VPS18: variants seen among roughly 807,000 people sequenced by gnomAD.
VPS18 encodes the protein vacuolar protein sorting-associated protein 18 homolog.
Under a neutral mutation model 82.0 loss-of-function variants are expected in VPS18, and 25 were observed. The observed-to-expected ratio is 0.30, with a 90% CI of 0.22 to 0.43. The LOEUF (loss-of-function observed/expected upper bound fraction) is 0.43, where lower values mean the gene tolerates loss of function less well. Among genes scored for constraint, VPS18 ranks in the 20% least tolerant of loss-of-function variants. The pLI is 1.00. For missense variants in VPS18, 1,168 were observed against 1,311.1 expected (o/e 0.89, Z 1.69); for synonymous variants, 523 against 543.0 (o/e 0.96, Z 0.51).
Position 40,901,022 on chromosome 15 carries a change from AG to A in VPS18, c.2196+9del, listed in dbSNP as rs775102032. 6.3e-7 allele frequency: 1 copy of A among 1,593,518 alleles called. No individual in the cohort carries two copies. The highest frequency in any genetic ancestry group is 1.1e-5 in the South Asian group (1 of 90,702). On this transcript the variant is annotated intron_variant, in intron 4 of 4. Coordinates refer to ENST00000220509, the MANE Select transcript of VPS18 (RefSeq NM_020857.3). The stretch of plus-strand genomic sequence containing the variant: ...GTGGACCTGGCCCTGCAGGTAAGCC[AG>A]TACGTCTTGACCCCAGCTGGGAGAG...
In VPS18 at chr15:40,902,405, G is replaced by A. The variant is rs1165073342; in HGVS notation, c.2197-211G>A. Among the ~76,000 whole-genome samples, 2 of 152,206 alleles carry A rather than the reference G, an allele frequency of 1.3e-5. No homozygotes were observed. Among genetic ancestry groups the A allele is most frequent in the African/African-American group, 4.8e-5 (2 of 41,470 alleles). ...TGGGATTATAGGCCTGAGCCACTGC[G>A]CCCAGCCTCCCCGGTGATTTCTAAC... On this transcript the variant is annotated intron_variant, in intron 4 of 4. Coordinates refer to ENST00000220509, the MANE Select transcript of VPS18 (RefSeq NM_020857.3). This position sits in a 1 kb window ranked among gnomAD's most constrained non-coding sequence, Gnocchi z 4.2.
rs756789198 is a variant in VPS18 at position 40,900,587 on chromosome 15, G to A, written c.1769G>A (p.Arg590His). ...EEALAVLARH[R>H]DPQLFYKFSP... ...GCCCTGGCCGTGCTCGCCCGCCACC[G>A]TGACCCCCAGCTCTTCTACAAGTTC... Residue 590 changes from arginine (R) to histidine (H), a missense_variant, in exon 4 of 5, where the codon CGT (arginine) becomes CAT (histidine). Coordinates refer to ENST00000220509, the MANE Select transcript of VPS18 (RefSeq NM_020857.3). This position sits in a 1 kb window ranked among gnomAD's most constrained non-coding sequence, Gnocchi z 5.4. 1.2e-5 allele frequency: 19 copies of A among 1,613,738 alleles called. No individual in the cohort carries two copies. The highest frequency in any genetic ancestry group is 4.5e-5 in the East Asian group (2 of 44,888).
At position 40,896,113 on chromosome 15, in the gene VPS18, AC is replaced by A. The variant is rs751718604; in HGVS notation, c.233+35del. ...GAGCTCACAGAGCTTAGGAGTAGGG[AC>A]TAGAGAGGTGTTTGGGGACTGTTAA... On this transcript the variant is annotated intron_variant, in intron 2 of 4. Transcript: ENST00000220509. 6 of 1,612,464 alleles carry A rather than the reference AC, an allele frequency of 3.7e-6. No homozygotes were observed. In the African/African-American group the frequency reaches 8.0e-5, roughly 22 times the overall value.
intron 1 of VPS18, 84 bp downstream of exon 1, chr15:40,894,943 C>T (rs975660132): frequency 2.2e-6 from 3 of 1,384,358 alleles, no homozygotes; most frequent in African/African-American, 1.4e-5. Flanking sequence ...TCCAAGAGCT[C>T]GGGGTCATCC....
In VPS18 at chr15:40,899,988, C is replaced by T. The variant is rs1234317017; in HGVS notation, c.1170C>T (p.His390=). 11 of 1,613,974 alleles carry T rather than the reference C, an allele frequency of 6.8e-6. No individual in the cohort carries two copies. Among genetic ancestry groups the T allele is most frequent in the South Asian group, 1.1e-5 (1 of 91,094 alleles). The part of the protein sequence containing the change: ...AYTERAVFRY[H]VQREARDVWR... ...CTGAGCGGGCTGTCTTCCGCTACCA[C>T]GTGCAACGGGAGGCCCGAGATGTCT... Residue 390 remains histidine, a synonymous_variant, in exon 4 of 5, where the codon CAC becomes CAT. Transcript: ENST00000220509. This position sits in a 1 kb window ranked among gnomAD's most constrained non-coding sequence, Gnocchi z 4.4.
At position 40,903,872 on chromosome 15, in the gene VPS18, C is replaced by T. The variant is rs1439160208; in HGVS notation, c.*531C>T. The T allele has an allele frequency of 6.5e-6, 1 of 153,216 alleles. No homozygotes were observed. Among genetic ancestry groups the T allele is most frequent in the South Asian group, 2.0e-4 (1 of 4,988 alleles). 9.5% of individuals were successfully genotyped at this position (153,216 alleles called of 1,614,324 possible). Reference sequence around the variant, plus strand: ...TAGTTGGGGCATGCTTTTGTGCACACTCTCTGGGGCTCCAGTGTGAAGGGT... The same window carrying T: ...TAGTTGGGGCATGCTTTTGTGCACATTCTCTGGGGCTCCAGTGTGAAGGGT... On this transcript the variant is annotated 3_prime_UTR_variant, in exon 5 of 5. Transcript: ENST00000220509.
intron 4 of VPS18, among the ~76,000 whole-genome samples, chr15:40,901,864 C>T (rs1566871074): frequency 2.0e-5 from 3 of 152,148 alleles, no homozygotes; most frequent in Non-Finnish European, 4.4e-5. Flanking sequence ...CAAAATCGCA[C>T]CACTGCACTC....
Position 40,902,700 on chromosome 15 carries a change from C to G in VPS18, c.2281C>G (p.Arg761Gly). 3.1e-6 allele frequency: 5 copies of G among 1,614,268 alleles called. No homozygotes were observed. Among genetic ancestry groups the G allele is most frequent in the Non-Finnish European group, 4.2e-6 (5 of 1,180,052 alleles). ...LRKKLWLKIA[R>G]HVVQEEEDVQ... The stretch of plus-strand genomic sequence containing the variant: ...CAAGAAGCTGTGGCTGAAGATCGCA[C>G]GGCACGTGGTGCAGGAAGAGGAAGA... The change falls in exon 5 of 5, where the codon CGG becomes GGG. Residue 761 changes from arginine (R) to glycine (G), a missense_variant. This residue lies in a region of VPS18 where 296 missense variants were observed against 354.0 expected (regional missense o/e 0.84). Coordinates refer to ENST00000220509, the MANE Select transcript of VPS18 (RefSeq NM_020857.3). This position sits in a 1 kb window ranked among gnomAD's most constrained non-coding sequence, Gnocchi z 4.2.
Position 40,894,547 on chromosome 15 carries a change from A to C in VPS18, c.-222A>C, listed in dbSNP as rs1023236321. ...GCGGGGGCGGGGAGTAAGGTGCAAG[A>C]CTGCGCCAGATTCAAGGACGAGGGC... On this transcript the variant is annotated 5_prime_UTR_variant, in exon 1 of 5. Coordinates refer to ENST00000220509, the MANE Select transcript of VPS18 (RefSeq NM_020857.3). 2 of 480,164 alleles carry C rather than the reference A, an allele frequency of 4.2e-6. No individual in the cohort carries two copies. The highest frequency in any genetic ancestry group is 4.0e-5 in the Admixed American group (1 of 24,766). The allele number at this position is 480,164 out of a possible 1,614,324, so 29.7% of individuals were successfully genotyped here.
At position 40,896,017 on chromosome 15, in the gene VPS18, T is replaced by G; in HGVS notation, c.171T>G (p.Ile57Met). ...QRIDFTPSER[I>M]TSLVVSSNQL... ...TTGACTTCACCCCTTCCGAGCGCAT[T>G]ACCAGTCTTGTCGTCTCCAGCAATC... Residue 57 changes from isoleucine (I) to methionine (M), a missense_variant, in exon 2 of 5, where the codon ATT becomes ATG. Coordinates refer to ENST00000220509, the MANE Select transcript of VPS18 (RefSeq NM_020857.3). The G allele has an allele frequency of 6.2e-7, 1 of 1,614,184 alleles. No individual in the cohort carries two copies. Among genetic ancestry groups the G allele is most frequent in the Non-Finnish European group, 8.5e-7 (1 of 1,180,028 alleles).
rs1176977305 is a variant in VPS18 at position 40,894,556 on chromosome 15, G to GA, written c.-212dup. 5 of 488,464 alleles carry GA rather than the reference G, an allele frequency of 1.0e-5. No individual in the cohort carries two copies. The highest frequency in any genetic ancestry group is 1.8e-5 in the Non-Finnish European group (5 of 276,236). 30.3% of individuals were successfully genotyped at this position (488,464 alleles called of 1,614,324 possible). On this transcript the variant is annotated 5_prime_UTR_variant, in exon 1 of 5. Coordinates refer to ENST00000220509, the MANE Select transcript of VPS18 (RefSeq NM_020857.3). ...GGGAGTAAGGTGCAAGACTGCGCCA[G>GA]ATTCAAGGACGAGGGCTGCCCGATT... is the stretch of plus-strand genomic sequence containing the variant.
chr15:40,895,866 G>GT (rs1464105022), intron 1 of VPS18, 72 bp from the exon 2 acceptor site: 7 of 1,598,026 alleles, frequency 4.4e-6, no homozygotes, highest in East Asian at 4.5e-5. Flanking sequence ...GCACTGTGGT[G>GT]TTTTTTCTGC....
In VPS18 at chr15:40,900,836, GT is replaced by G; in HGVS notation, c.2019del (p.Gly674AlafsTer47). ...IHNYLLSLYA[R>X]GRPDSLLAYL... ...AACTACCTGCTGTCACTGTATGCCC[GT>G]GGCCGGCCGGACTCACTACTGGCCT... is the stretch of plus-strand genomic sequence containing the variant. On this transcript the variant is annotated frameshift_variant, in exon 4 of 5. Transcript: ENST00000220509. LOFTEE classifies it high-confidence loss of function. The surrounding 1 kb of genome is among the most constrained non-coding windows in gnomAD (Gnocchi z 5.4). 1 of 1,614,174 alleles carries G rather than the reference GT, an allele frequency of 6.2e-7. No individual in the cohort carries two copies. The highest frequency in any genetic ancestry group is 8.5e-7 in the Non-Finnish European group (1 of 1,180,048).
At chr15:40,901,980 G>A (rs1006260045) in intron 4 of VPS18, among the ~76,000 whole-genome samples, 1 of 152,166 alleles carries the variant, frequency 6.6e-6, no homozygotes, top group Non-Finnish European at 1.5e-5. Flanking sequence ...GTGCTGCATC[G>A]CATGAAGTGC....
chr15:40,899,452 C>T lies in VPS18; in HGVS notation c.634C>T (p.Arg212Trp), dbSNP rs139217686. 9.3e-6 allele frequency: 15 copies of T among 1,606,374 alleles called. No homozygotes were observed. The highest frequency in any genetic ancestry group is 1.7e-5 in the Admixed American group (1 of 59,726). Reference protein sequence around the residue: ...PAPVCSLEAERGPDGRSFVIA... With the variant: ...PAPVCSLEAEWGPDGRSFVIA... ...ACCTGTGTGCTCCCTTGAGGCCGAG[C>T]GGGGCCCTGATGGGCGTAGCTTTGT... The change falls in exon 4 of 5, where the codon CGG becomes TGG. Residue 212 changes from arginine (R) to tryptophan (W), a missense_variant. Transcript: ENST00000220509. This position sits in a 1 kb window ranked among gnomAD's most constrained non-coding sequence, Gnocchi z 4.4.
rs1892403507 is a variant in VPS18 at position 40,903,576 on chromosome 15, T to C, written c.*235T>C. On this transcript the variant is annotated 3_prime_UTR_variant, in exon 5 of 5. Transcript: ENST00000220509. ...GCCAGACCATCAGCCTGCCTCCCAG[T>C]AGAGGCCCTTCACCTGGAGAAGTCA... 2.0e-6 allele frequency: 1 copy of C among 488,186 alleles called. No homozygotes were observed. Among genetic ancestry groups the C allele is most frequent in the East Asian group, 3.6e-5 (1 of 28,134 alleles). The allele number at this position is 488,186 out of a possible 1,614,324, so 30.2% of individuals were successfully genotyped here. A position where few individuals can be genotyped will look rare whatever the true frequency, so the allele number is the denominator to read the frequency against.
Position 40,899,842 on chromosome 15 carries a change from C to T in VPS18, c.1024C>T (p.Arg342Trp), listed in dbSNP as rs375750648. 17 of 1,608,692 alleles carry T rather than the reference C, an allele frequency of 1.1e-5. No homozygotes were observed. Among genetic ancestry groups the T allele is most frequent in the South Asian group, 4.4e-5 (4 of 91,084 alleles). Residue 342 changes from arginine (R) to tryptophan (W), a missense_variant, in exon 4 of 5, where the codon CGG becomes TGG. By Grantham distance (101) the Arg-to-Trp change is moderately radical. Transcript: ENST00000220509. The surrounding 1 kb of genome is among the most constrained non-coding windows in gnomAD (Gnocchi z 4.4). Reference protein sequence around the residue: ...QFHFLLLLADRVEAVCTLTGQ... With the variant: ...QFHFLLLLADWVEAVCTLTGQ... ...CCACTTCCTGCTGCTACTGGCAGACCGGGTGGAGGCAGTGTGCACACTGAC... is the reference window on the plus strand; with the variant it reads ...CCACTTCCTGCTGCTACTGGCAGACTGGGTGGAGGCAGTGTGCACACTGAC...
At chr15:40,895,791 T>G (rs1156287652) in intron 1 of VPS18, 147 bp from the exon 2 acceptor site, 2 of 1,098,262 alleles carry the variant, frequency 1.8e-6, no homozygotes, top group African/African-American at 3.1e-5. Context: ...AGCAAACGAC[T>G]TGATATCAAA....
rs530585538 is a variant in VPS18 at position 40,898,249 on chromosome 15, C to T, written c.234-658C>T. On this transcript the variant is annotated intron_variant, in intron 2 of 4. Transcript: ENST00000220509. The stretch of plus-strand genomic sequence containing the variant: ...GATTACAGGCGTGAGCCACCGCGCC[C>T]GGCCTTTTTTTTTTTTTTCCCCCCT... Among the ~76,000 whole-genome samples the T allele has an allele frequency of 2.8e-3, 425 of 149,624 alleles. 4 individuals are homozygous for T. The highest frequency in any genetic ancestry group is 0.01 in the African/African-American group (401 of 39,836).
Sources: gnomAD v4.1 joint callset for allele counts (sites outside exome capture counted in the v4.1 genomes callset) on GRCh38, gnomAD v4.1.1 for gene constraint, gnomAD v4.1.1 regional missense constraint, Gnocchi (gnomAD v3.1) non-coding constraint, MANE v1.5 for transcripts, NCBI Gene and HGNC (gene_info 2026-07-23, HGNC 2026-07-21) for gene names.